The following FYB1 variants were observed in gnomAD, a reference collection of about 807,000 sequenced individuals.
The protein encoded by FYB1 is FYN binding protein 1.
Under a neutral mutation model 94.1 loss-of-function variants are expected in FYB1, and 41 were observed. The observed-to-expected ratio is 0.44, with a 90% CI of 0.34 to 0.57. The LOEUF (loss-of-function observed/expected upper bound fraction) is 0.57, where lower values mean the gene tolerates loss of function less well. Ranked by LOEUF, FYB1 falls within the 20% of genes least tolerant of loss-of-function variation. The probability of loss-of-function intolerance (pLI) is 0.02; values close to 1 mark genes in which losing one functional copy is unlikely to be tolerated. For synonymous variants in FYB1, 367 were observed against 353.2 expected, an observed-to-expected ratio of 1.04 and a Z score of -0.44; for missense variants, 1,050 against 976.8, an observed-to-expected ratio of 1.07 and a Z score of -1.00.
intron 2 of FYB1, among the ~76,000 whole-genome samples, chr5:39,173,829 T>C (rs1169276151): frequency 6.6e-6 from 1 of 152,208 alleles, no homozygotes; most frequent in Non-Finnish European, 1.5e-5. Context: ...AGTATCATGC[T>C]CTTTGGGTTA....
chr5:39,148,155 T>TCATATATA, intron 3 of FYB1, among the ~76,000 whole-genome samples: 1 of 37,648 alleles, frequency 2.7e-5, no homozygotes, highest in East Asian at 1.6e-3. Flanking sequence ...TATGTATTTT[T>TCATATATA]TATATATATA....
chr5:39,201,042 G>C (rs899918107), intron 2 of FYB1, among the ~76,000 whole-genome samples: 14 of 152,100 alleles, frequency 9.2e-5, no homozygotes, highest in African/African-American at 3.1e-4. Flanking sequence ...CCTTTGTCTG[G>C]CTCATTTTCC....
At chr5:39,126,266 T>C in intron 11 of FYB1, 131 bp from the exon 12 acceptor site, 1 of 940,288 alleles carries the variant, frequency 1.1e-6, no homozygotes, top group East Asian at 2.7e-5. Flanking sequence ...AAATAACTCA[T>C]TTTATTGGAC....
chr5:39,123,725 C>T (rs540595511), intron 13 of FYB1, among the ~76,000 whole-genome samples: 10 of 151,966 alleles, frequency 6.6e-5, no homozygotes, highest in African/African-American at 1.7e-4. Context: ...CATTTTATTT[C>T]GTTCAAAGTA....
intron 2 of FYB1, among the ~76,000 whole-genome samples, chr5:39,155,812 G>A (rs920095413): frequency 6.6e-6 from 1 of 152,002 alleles, no homozygotes; most frequent in African/African-American, 2.4e-5. Context: ...TTTAGCAAAC[G>A]TTCTGCACCA....
At chr5:39,228,618 A>G (rs1378121939) in intron 1 of FYB1, among the ~76,000 whole-genome samples, 2 of 152,202 alleles carry the variant, frequency 1.3e-5, no homozygotes, top group Non-Finnish European at 2.9e-5. Context: ...AATATTAGGA[A>G]TCATTGATTT....
intron 2 of FYB1, among the ~76,000 whole-genome samples, chr5:39,179,667 T>TC (rs1387347868): frequency 6.6e-6 from 1 of 151,526 alleles, no homozygotes; most frequent in African/African-American, 2.4e-5. Context: ...TGCCTCAGCC[T>TC]CCCAAGTACC....
At chr5:39,111,762 G>C (rs1374263140) in intron 16 of FYB1, among the ~76,000 whole-genome samples, 1 of 151,814 alleles carries the variant, frequency 6.6e-6, no homozygotes, top group Non-Finnish European at 1.5e-5. Context: ...AAAACTAGAA[G>C]TAGGAAAAGT....
In FYB1 at chr5:39,169,210, A is replaced by C. The variant is rs1156370497; in HGVS notation, c.1136-15606T>G. On this transcript the variant is annotated intron_variant, in intron 2 of 18. Coordinates refer to ENST00000512982, the MANE Select transcript of FYB1 (RefSeq NM_001465.6). The stretch of plus-strand genomic sequence containing the variant: ...TCATTGCAACATCTGGGCTCAGTTC[A>C]TTTGCCATATGGTTGGTCGTGGTGC... The C allele has an allele frequency of 7.0e-6, 7 of 1,002,160 alleles. No homozygotes were observed. The East Asian group carries it at 1.7e-4, about 24-fold the overall frequency. 62.1% of individuals were successfully genotyped at this position (1,002,160 alleles called of 1,614,324 possible).
At chr5:39,219,713 G>C (rs948846225), upstream of FYB1, 1 of 503,272 alleles carries the variant, frequency 2.0e-6, no homozygotes, top group African/African-American at 2.1e-5. Context: ...GAACTTAAAA[G>C]TGTCTGTTCA....
At chr5:39,267,511 T>A (rs999014072) in intron 1 of FYB1, among the ~76,000 whole-genome samples, 8 of 152,230 alleles carry the variant, frequency 5.3e-5, no homozygotes, top group Non-Finnish European at 1.0e-4. Context: ...TATAGCCTGT[T>A]GACTGTATCT....
chr5:39,130,941 T>G (rs1037954031), intron 9 of FYB1, among the ~76,000 whole-genome samples: 1 of 152,166 alleles, frequency 6.6e-6, no homozygotes, highest in Non-Finnish European at 1.5e-5. Flanking sequence ...AGATGGACCA[T>G]TAAAACAAGC....
intron 2 of FYB1, among the ~76,000 whole-genome samples, chr5:39,183,450 A>T (rs1283994446): frequency 2.0e-5 from 3 of 152,200 alleles, no homozygotes; most frequent in Non-Finnish European, 2.9e-5. Context: ...AGTGTCGAGC[A>T]TAAAGGGAGA....
chr5:39,143,760 T>C (rs1742392529), intron 3 of FYB1, among the ~76,000 whole-genome samples: 1 of 152,212 alleles, frequency 6.6e-6, no homozygotes, highest in Non-Finnish European at 1.5e-5. Flanking sequence ...CAGGAAGAAC[T>C]GTCATGGATA....
chr5:39,172,890 A>C (rs189841626), intron 2 of FYB1, among the ~76,000 whole-genome samples: 1 of 152,126 alleles, frequency 6.6e-6, no homozygotes, highest in Non-Finnish European at 1.5e-5. Flanking sequence ...TGCTATTGTG[A>C]ATAGAGCTGC....
intron 1 of FYB1, among the ~76,000 whole-genome samples, chr5:39,269,986 T>C (rs1310294658): frequency 6.6e-6 from 1 of 152,178 alleles, no homozygotes; most frequent in African/African-American, 2.4e-5. Context: ...TGGGTTAAAG[T>C]AGTGCTGGGA....
chr5:39,253,870 G>A (rs1751831967), intron 1 of FYB1, among the ~76,000 whole-genome samples: 1 of 152,164 alleles, frequency 6.6e-6, no homozygotes, highest in African/African-American at 2.4e-5. Context: ...CCCAGTGTGT[G>A]TTGTTGCCCT....
chr5:39,137,429 G>T (rs929166797), intron 7 of FYB1, 171 bp downstream of exon 7: 4 of 598,880 alleles, frequency 6.7e-6, no homozygotes, highest in African/African-American at 3.9e-5. Flanking sequence ...TATTAGTTCA[G>T]GGATAAAATG....
rs770043614 is a variant in FYB1 at position 39,127,789 on chromosome 5, G to A, written c.1859C>T (p.Pro620Leu). Reference sequence around the variant, plus strand: ...AATCCCATCATAAATGTCATCATCTGGTGGTGGAGGGAATATCCCTTCATT... The same window carrying A: ...AATCCCATCATAAATGTCATCATCTAGTGGTGGAGGGAATATCCCTTCATT... ...SGSGGIFPPPPDDDIYDGIEE... is the reference protein window; with the variant it reads ...SGSGGIFPPPLDDDIYDGIEE... The change falls in exon 11 of 19, where the codon CCA becomes CTA. Residue 620 changes from proline to leucine, a missense_variant. Pro to Leu is a moderately conservative substitution (Grantham distance 98). Transcript: ENST00000512982. 1.1e-5 allele frequency: 18 copies of A among 1,603,166 alleles called. No individual in the cohort carries two copies. The highest frequency in any genetic ancestry group is 1.4e-5 in the Non-Finnish European group (17 of 1,174,676).
Sources: allele counts gnomAD v4.1 joint callset (sites outside exome capture counted in the v4.1 genomes callset), GRCh38; gene constraint gnomAD v4.1.1; transcripts MANE v1.5; gene names NCBI Gene and HGNC (gene_info 2026-07-23, HGNC 2026-07-21).